TBC1D2: variants seen among roughly 807,000 people sequenced by gnomAD.
TBC1D2 encodes TBC1 domain family member 2A.
TBC1D2 carries 58 observed loss-of-function variants against 91.1 expected under a neutral mutation model. The observed-to-expected ratio is 0.64, with a 90% CI of 0.52 to 0.79. The LOEUF (loss-of-function observed/expected upper bound fraction) is 0.79, where lower values mean the gene tolerates loss of function less well. Ranked by LOEUF, TBC1D2 falls within the 30% of genes least tolerant of loss-of-function variation. The probability of loss-of-function intolerance (pLI) is 0.00; values close to 1 mark genes in which losing one functional copy is unlikely to be tolerated. For missense variants in TBC1D2, 1,080 were observed against 1,208.3 expected, an observed-to-expected ratio of 0.89 and a Z score of 1.57; for synonymous variants, 482 against 511.5, an observed-to-expected ratio of 0.94 and a Z score of 0.78.
chr9:98,231,811 A>T (rs973529010), intron 4 of TBC1D2, among the ~76,000 whole-genome samples: 11 of 152,212 alleles, frequency 7.2e-5, no homozygotes, highest in African/African-American at 2.7e-4. Flanking sequence ...TAAGAATTAA[A>T]TAGGTCAAGG....
rs1363674127 is a variant in TBC1D2, at chr9:98,200,265, A to G, written c.2567T>C (p.Ile856Thr). The G allele has an allele frequency of 6.2e-7, 1 of 1,613,140 alleles. No individual in the cohort carries two copies. Among genetic ancestry groups the G allele is most frequent in the Non-Finnish European group, 8.5e-7 (1 of 1,179,734 alleles). ...YQYLRFFTKT[I>T]SNSRKLMNIA... ...GGGGGTTCCTCACCGGCTGTTGGAG[A>G]TGGTCTTGGTGAAGAAGCGCAGGTA... Residue 856 changes from isoleucine (I) to threonine (T), a missense_variant, in exon 12 of 13, where the codon ATC becomes ACC. By Grantham distance (89) the Ile-to-Thr change is moderately conservative. Transcript: ENST00000465784.
intron 4 of TBC1D2, among the ~76,000 whole-genome samples, chr9:98,232,499 G>A (rs1829397210): frequency 6.6e-6 from 1 of 151,536 alleles, no homozygotes; most frequent in South Asian, 2.1e-4. Context: ...TTATTTTTTT[G>A]TAAAGACAGG....
chr9:98,205,020 T>C (rs999104078), intron 9 of TBC1D2, among the ~76,000 whole-genome samples: 2 of 152,252 alleles, frequency 1.3e-5, no homozygotes, highest in African/African-American at 4.8e-5. Context: ...GGGCTCCAGG[T>C]AGCTGCTTCC....
intron 3 of TBC1D2, among the ~76,000 whole-genome samples, chr9:98,243,788 C>T (rs1288458051): frequency 6.6e-6 from 1 of 152,150 alleles, no homozygotes; most frequent in Non-Finnish European, 1.5e-5. Context: ...CCGCCCACCT[C>T]GGCCTCCCAA....
At chr9:98,223,988 A>G (rs1213863396) in intron 5 of TBC1D2, among the ~76,000 whole-genome samples, 2 of 152,122 alleles carry the variant, frequency 1.3e-5, no homozygotes, top group Admixed American at 6.5e-5. Flanking sequence ...TCACGAGGTC[A>G]GGAGATCGAG....
intron 3 of TBC1D2, among the ~76,000 whole-genome samples, chr9:98,237,414 C>T (rs966025444): frequency 1.3e-5 from 2 of 151,756 alleles, no homozygotes; most frequent in African/African-American, 2.4e-5. Flanking sequence ...TCAGAGTGCA[C>T]CCCACTTAGT....
Position 98,233,475 on chromosome 9 carries a change from G to A in TBC1D2, c.722C>T (p.Pro241Leu). ...TGHEPPGEDS[P>L]QSGEPQREEQ... The stretch of plus-strand genomic sequence containing the variant: ...CTCCCTCTGAGGCTCCCCACTCTGT[G>A]GAGAATCTTCCCCTGGAGGTTCATG... Residue 241 changes from proline to leucine, a missense_variant, in exon 4 of 13, where the codon CCA (proline) becomes CTA (leucine). By Grantham distance (98) the Pro-to-Leu change is moderately conservative. Transcript: ENST00000465784. 1 of 1,614,174 alleles carries A rather than the reference G, an allele frequency of 6.2e-7. No homozygotes were observed. Among genetic ancestry groups the A allele is most frequent in the African/African-American group, 1.3e-5 (1 of 75,062 alleles).
At chr9:98,226,209 T>A (rs1441161274) in intron 5 of TBC1D2, among the ~76,000 whole-genome samples, 4 of 152,202 alleles carry the variant, frequency 2.6e-5, no homozygotes, top group Non-Finnish European at 5.9e-5. Flanking sequence ...CTGCCATTCC[T>A]CCCTTCCTAA....
At chr9:98,207,891 A>T (rs1483782533) in intron 9 of TBC1D2, among the ~76,000 whole-genome samples, 1 of 152,182 alleles carries the variant, frequency 6.6e-6, no homozygotes, top group Non-Finnish European at 1.5e-5. Flanking sequence ...CCTGCTGCAG[A>T]CAGCAGCTGC....
chr9:98,251,873 G>T lies in TBC1D2; in HGVS notation c.423C>A (p.Arg141=). Residue 141 remains arginine, a synonymous_variant, in exon 2 of 13, where the codon CGC becomes CGA. Transcript: ENST00000465784. Reference sequence around the variant, plus strand: ...CCGGCGGGCTGTTGTGGAATTCCCAGCGCTTCATCTGCAGCTGCTGCAGCC... The same window carrying T: ...CCGGCGGGCTGTTGTGGAATTCCCATCGCTTCATCTGCAGCTGCTGCAGCC... ...LYWLQQLQMK[R]WEFHNSPPAP... is the part of the protein sequence containing the mutation. 1 of 1,603,768 alleles carries T rather than the reference G, an allele frequency of 6.2e-7. No individual in the cohort carries two copies.
In TBC1D2 at chr9:98,208,850, C is replaced by T. The variant is rs1828731049; in HGVS notation, c.1968G>A (p.Leu656=). The change falls in exon 9 of 13, where the codon CTG becomes CTA. Residue 656 remains leucine, a synonymous_variant. Transcript: ENST00000465784. ...LHTPGCYQEL[L]SRGQAREHPA... is the part of the protein sequence containing the mutation. ...GGTGCTCGCGGGCCTGGCCCCGGCTCAGCAGTTCCTGGTAGCAGCCTGGAG... is the reference window on the plus strand; with the variant it reads ...GGTGCTCGCGGGCCTGGCCCCGGCTTAGCAGTTCCTGGTAGCAGCCTGGAG... 1 of 1,612,504 alleles carries T rather than the reference C, an allele frequency of 6.2e-7. No individual in the cohort carries two copies. Among genetic ancestry groups the T allele is most frequent in the African/African-American group, 1.3e-5 (1 of 74,896 alleles).
At chr9:98,204,449 G>A (rs564007735) in intron 9 of TBC1D2, among the ~76,000 whole-genome samples, 18 of 152,300 alleles carry the variant, frequency 1.2e-4, no homozygotes, top group Non-Finnish European at 2.5e-4. Context: ...TAGAATGAAT[G>A]TTCCTCAGAG....
intron 9 of TBC1D2, among the ~76,000 whole-genome samples, chr9:98,207,772 C>G (rs1828692184): frequency 6.6e-6 from 1 of 152,208 alleles, no homozygotes; most frequent in African/African-American, 2.4e-5. Context: ...AGAGGCCATG[C>G]AGCTGCAGAG....
Position 98,203,416 on chromosome 9 carries a change from A to G in TBC1D2, c.2151-8T>C, listed in dbSNP as rs1828564886. ...AGGGCAATGGCCGCCAGCCTGGAGT[A>G]GTAGGGAAGGCCTGGAGTGATTACA... On this transcript the variant is annotated splice_polypyrimidine_tract_variant and splice_region_variant and intron_variant, in intron 9 of 12. Transcript: ENST00000465784. 1 of 1,613,970 alleles carries G rather than the reference A, an allele frequency of 6.2e-7. No individual in the cohort carries two copies. The highest frequency in any genetic ancestry group is 8.5e-7 in the Non-Finnish European group (1 of 1,180,002).
chr9:98,199,690 G>T, intron 12 of TBC1D2, 102 bp from the exon 13 acceptor site: 1 of 1,257,342 alleles, frequency 8.0e-7, no homozygotes, highest in Non-Finnish European at 1.2e-6. Context: ...TGCCTTTGTG[G>T]CTGAGCCCTG....
At position 98,255,450 on chromosome 9, in the gene TBC1D2, T is replaced by C; in HGVS notation, c.92A>G (p.Glu31Gly). Residue 31 changes from glutamate to glycine, a missense_variant, in exon 1 of 13, where the codon GAG becomes GGG. By Grantham distance (98) the Glu-to-Gly change is moderately conservative (BLOSUM62 -2). Coordinates refer to ENST00000465784, the MANE Select transcript of TBC1D2 (RefSeq NM_001267571.2). Reference protein sequence around the residue: ...SARDPQVPPPEEESGDCARSL... With the variant: ...SARDPQVPPPGEESGDCARSL... ...CCGGGCGCAGTCCCCCGATTCTTCC[T>C]CCGGAGGCGGCACCTGTGGATCCCT... is the stretch of plus-strand genomic sequence containing the variant. 2 of 1,601,150 alleles carry C rather than the reference T, an allele frequency of 1.2e-6. No homozygotes were observed. The highest frequency in any genetic ancestry group is 1.7e-6 in the Non-Finnish European group (2 of 1,171,812).
intron 5 of TBC1D2, among the ~76,000 whole-genome samples, chr9:98,221,933 T>C (rs571854570): frequency 6.6e-6 from 1 of 152,318 alleles, no homozygotes; most frequent in Non-Finnish European, 1.5e-5. Context: ...TTTTGCCATG[T>C]TGCCGGGCTG....
chr9:98,200,226 G>T, intron 12 of TBC1D2, 27 bp downstream of exon 12: 3 of 1,612,466 alleles, frequency 1.9e-6, no homozygotes, highest in Non-Finnish European at 2.5e-6. Context: ...TGAGTGGTGG[G>T]AGTGGCAGGG....
At chr9:98,219,734 G>T (rs946248948) in intron 6 of TBC1D2, among the ~76,000 whole-genome samples, 2 of 152,198 alleles carry the variant, frequency 1.3e-5, no homozygotes, top group Non-Finnish European at 2.9e-5. Context: ...TGTTATGACG[G>T]CTATGATGTC....
Sources: allele counts gnomAD v4.1 joint callset (sites outside exome capture counted in the v4.1 genomes callset), GRCh38; gene constraint gnomAD v4.1.1; transcripts MANE v1.5; gene names NCBI Gene and HGNC (gene_info 2026-07-23, HGNC 2026-07-21).